The following NUP85 variants were observed in gnomAD, a reference collection of about 807,000 sequenced individuals.
The protein encoded by NUP85 is nucleoporin 85, also known as nuclear pore complex protein Nup85.
NUP85 carries 23 observed loss-of-function variants against 92.8 expected under a neutral mutation model. That is an observed-to-expected ratio of 0.25 (90% CI 0.18 to 0.35). The LOEUF (loss-of-function observed/expected upper bound fraction) is 0.35. Ranked by LOEUF, NUP85 falls within the 10% of genes least tolerant of loss-of-function variation. The probability of loss-of-function intolerance (pLI) is 1.00; values close to 1 mark genes in which losing one functional copy is unlikely to be tolerated. For missense variants in NUP85, 759 were observed against 822.8 expected, an observed-to-expected ratio of 0.92 and a Z score of 0.95; for synonymous variants, 314 against 306.9, an observed-to-expected ratio of 1.02 and a Z score of -0.24.
intron 9 of NUP85, 44 bp downstream of exon 9, chr17:75,225,508 G>A: frequency 1.2e-6 from 2 of 1,602,008 alleles, no homozygotes; most frequent in South Asian, 1.1e-5. Flanking sequence ...GCTTCCTATG[G>A]GGGCTGTGGC....
Position 75,225,470 on chromosome 17 carries a change from G to T in NUP85, c.855+6G>T. The T allele has an allele frequency of 1.2e-6, 2 of 1,612,928 alleles. No homozygotes were observed. The highest frequency in any genetic ancestry group is 2.2e-5 in the South Asian group (2 of 91,072). On this transcript the variant is annotated splice_donor_region_variant and intron_variant, in intron 9 of 18. Coordinates refer to ENST00000245544, the MANE Select transcript of NUP85 (RefSeq NM_024844.5). ...ACCTGGAGTCTCTCTTGAAGGTCTG[G>T]GAAGCAGTTCAGATTGCATCCATGT...
intron 3 of NUP85, among the ~76,000 whole-genome samples, chr17:75,210,527 C>CACTG (rs2075224408): frequency 1.3e-5 from 2 of 152,316 alleles, no homozygotes; most frequent in South Asian, 4.1e-4. Context: ...ATCTCCAGCA[C>CACTG]ACTGAAGTTT....
chr17:75,211,257 C>T (rs1356915406), intron 3 of NUP85, among the ~76,000 whole-genome samples: 1 of 151,934 alleles, frequency 6.6e-6, no homozygotes, highest in Non-Finnish European at 1.5e-5. Context: ...CCCACCTCAG[C>T]GTCCCAAAGT....
chr17:75,225,514 G>C, intron 9 of NUP85, 50 bp downstream of exon 9: 4 of 1,598,180 alleles, frequency 2.5e-6, no homozygotes, highest in Non-Finnish European at 2.6e-6. Flanking sequence ...TATGGGGGCT[G>C]TGGCATCCAG....
In NUP85 at chr17:75,235,187, AC is replaced by A. The variant is rs1274344745; in HGVS notation, c.1857del (p.Glu620SerfsTer8). Reference sequence around the variant, plus strand: ...AAGACCTGTGCATGGAGAATCTGATACCGAGCAGCTCCAGGTCATTTTCACT... The same window carrying A: ...AAGACCTGTGCATGGAGAATCTGATACGAGCAGCTCCAGGTCATTTTCACT... ...SRRPVHGESDTEQLQDDDIET... is the reference protein window; with the variant it reads ...SRRPVHGESDXEQLQDDDIET... On this transcript the variant is annotated frameshift_variant, in exon 18 of 19. Coordinates refer to ENST00000245544, the MANE Select transcript of NUP85 (RefSeq NM_024844.5). LOFTEE classifies it high-confidence loss of function. The A allele has an allele frequency of 6.2e-7, 1 of 1,613,268 alleles. No individual in the cohort carries two copies. Among genetic ancestry groups the A allele is most frequent in the Non-Finnish European group, 8.5e-7 (1 of 1,179,530 alleles).
chr17:75,216,708 C>A (rs2075443705), intron 6 of NUP85, among the ~76,000 whole-genome samples: 1 of 152,114 alleles, frequency 6.6e-6, no homozygotes, highest in African/African-American at 2.4e-5. Context: ...CTCTGTGTAG[C>A]CCTAGCATTT....
At chr17:75,217,745 G>A (rs1775569374) in intron 6 of NUP85, among the ~76,000 whole-genome samples, 1 of 152,170 alleles carries the variant, frequency 6.6e-6, no homozygotes, top group South Asian at 2.1e-4. Flanking sequence ...GAGCTTAGAT[G>A]ATCCACCTGC....
intron 5 of NUP85, among the ~76,000 whole-genome samples, chr17:75,213,582 C>T (rs1242607737): frequency 2.0e-5 from 3 of 151,984 alleles, no homozygotes; most frequent in East Asian, 1.9e-4. Context: ...TGTAAGCCAC[C>T]GTGCTGGCCC....
At chr17:75,224,800 C>G (rs2075718702) in intron 7 of NUP85, among the ~76,000 whole-genome samples, 1 of 149,114 alleles carries the variant, frequency 6.7e-6, no homozygotes, top group Admixed American at 6.7e-5. Context: ...CCATTGCACT[C>G]CAGCCTGGGC....
At chr17:75,209,123 A>C (rs1290626838) in intron 2 of NUP85, among the ~76,000 whole-genome samples, 2 of 152,190 alleles carry the variant, frequency 1.3e-5, no homozygotes, top group South Asian at 2.1e-4. Context: ...TTAAAATGTC[A>C]AGCTTTTTAT....
rs982748256 is a variant in NUP85, at chr17:75,232,277, G to T, written c.1396+298G>T. Among the ~76,000 whole-genome samples, 5 of 152,190 alleles carry T rather than the reference G, an allele frequency of 3.3e-5. 1 individual carries two copies. The highest frequency in any genetic ancestry group is 7.4e-5 in the Non-Finnish European group (5 of 68,022). ...GGGCTGGGGTTGGCGCTGTTTCCCTGTCCAGGTGGGTTGCTATTGCTAGCT... is the reference window on the plus strand; with the variant it reads ...GGGCTGGGGTTGGCGCTGTTTCCCTTTCCAGGTGGGTTGCTATTGCTAGCT... On this transcript the variant is annotated intron_variant, in intron 14 of 18. Coordinates refer to ENST00000245544, the MANE Select transcript of NUP85 (RefSeq NM_024844.5).
chr17:75,223,833 A>G (rs1325432026), intron 7 of NUP85, among the ~76,000 whole-genome samples: 1 of 152,092 alleles, frequency 6.6e-6, no homozygotes, highest in Non-Finnish European at 1.5e-5. Flanking sequence ...CCAACCTACT[A>G]TTGTAGAGCT....
chr17:75,226,463 A>G (rs2075797891), intron 11 of NUP85, among the ~76,000 whole-genome samples: 2 of 152,126 alleles, frequency 1.3e-5, no homozygotes, highest in African/African-American at 4.8e-5. Context: ...GAAGGGCAAG[A>G]AGGACAAACT....
Position 75,231,216 on chromosome 17 carries a change from A to T in NUP85, c.1095-124A>T. 4.5e-6 allele frequency: 4 copies of T among 886,334 alleles called. No individual in the cohort carries two copies. The highest frequency in any genetic ancestry group is 7.3e-6 in the Non-Finnish European group (4 of 547,280). 54.9% of individuals were successfully genotyped at this position (886,334 alleles called of 1,614,324 possible). ...AGTACTGGGATCACGGGCATGAGCT[A>T]TCATCACGCCCGGCCCCATCTCTTT... On this transcript the variant is annotated intron_variant, in intron 11 of 18. Coordinates refer to ENST00000245544, the MANE Select transcript of NUP85 (RefSeq NM_024844.5). This position sits in a 1 kb window ranked among gnomAD's most constrained non-coding sequence, Gnocchi z 4.6.
In NUP85 at chr17:75,231,681, A is replaced by G; in HGVS notation, c.1244+43A>G. 2 of 1,566,524 alleles carry G rather than the reference A, an allele frequency of 1.3e-6. No homozygotes were observed. Among genetic ancestry groups the G allele is most frequent in the Non-Finnish European group, 1.7e-6 (2 of 1,173,926 alleles). ...GGTGTGGGCTATGCGGGTGCTCTTC[A>G]GCATGCGGGTGCCATTGGAGCTTGG... On this transcript the variant is annotated intron_variant, in intron 13 of 18. Transcript: ENST00000245544. This position sits in a 1 kb window ranked among gnomAD's most constrained non-coding sequence, Gnocchi z 4.6.
rs1247011534 is a variant in NUP85, at chr17:75,218,268, A to G, written c.559A>G (p.Ser187Gly). Residue 187 changes from serine (S) to glycine (G), a missense_variant, in exon 7 of 19, where the codon AGT becomes GGT. Coordinates refer to ENST00000245544, the MANE Select transcript of NUP85 (RefSeq NM_024844.5). Reference sequence around the variant, plus strand: ...CAGTTTGTCGGCAGATGTTCTGGGCAGTGAGAATCCAAGCAAACATGACAG... The same window carrying G: ...CAGTTTGTCGGCAGATGTTCTGGGCGGTGAGAATCCAAGCAAACATGACAG... ...VDSLSADVLG[S>G]ENPSKHDSFW... 6.2e-7 allele frequency: 1 copy of G among 1,613,870 alleles called. No individual in the cohort carries two copies.
At chr17:75,224,194 T>C (rs1369275454) in intron 7 of NUP85, among the ~76,000 whole-genome samples, 9 of 151,838 alleles carry the variant, frequency 5.9e-5, no homozygotes, top group Admixed American at 3.3e-4. Context: ...TACAGGCGCC[T>C]GCCACCACGC....
chr17:75,233,526 A>G (rs1372459048), intron 16 of NUP85, among the ~76,000 whole-genome samples: 2 of 148,258 alleles, frequency 1.3e-5, no homozygotes, highest in African/African-American at 2.5e-5. Context: ...ACTTCAAGCA[A>G]TTCTCGTGCC....
In NUP85 at chr17:75,234,786, C is replaced by A. The variant is rs563354357; in HGVS notation, c.1765C>A (p.Gln589Lys). 1.9e-6 allele frequency: 3 copies of A among 1,614,152 alleles called. No homozygotes were observed. Among genetic ancestry groups the A allele is most frequent in the Non-Finnish European group, 2.5e-6 (3 of 1,180,040 alleles). Residue 589 changes from glutamine to lysine, a missense_variant and splice_region_variant, in exon 17 of 19, where the codon CAG (glutamine) becomes AAG (lysine). Gln to Lys is a moderately conservative substitution (Grantham distance 53, BLOSUM62 1). Transcript: ENST00000245544. ...TDALPLLEQK[Q>K]VIFSAEQTYE... Reference sequence around the variant, plus strand: ...CGCCTTGCCCCTTTTGGAACAGAAACAGGTGAAGGTTGCAGCAGCAGTGGT... The same window carrying A: ...CGCCTTGCCCCTTTTGGAACAGAAAAAGGTGAAGGTTGCAGCAGCAGTGGT...
Sources: gnomAD v4.1 joint callset for allele counts (sites outside exome capture counted in the v4.1 genomes callset) on GRCh38, gnomAD v4.1.1 for gene constraint, Gnocchi (gnomAD v3.1) non-coding constraint, MANE v1.5 for transcripts, NCBI Gene and HGNC (gene_info 2026-07-23, HGNC 2026-07-21) for gene names.